NUDT3: variants seen among roughly 807,000 people sequenced by gnomAD.
NUDT3 encodes nudix hydrolase 3, also known as diphosphoinositol polyphosphate phosphohydrolase 1.
In NUDT3, 9 loss-of-function variants were observed where a neutral mutation model predicts 23.6. The observed-to-expected ratio is 0.38, with a 90% CI of 0.23 to 0.66. The LOEUF is 0.66. NUDT3 is among the 30% of genes least tolerant of loss of function. The pLI, the probability that NUDT3 is intolerant of heterozygous loss-of-function variation, is 0.52. For synonymous variants in NUDT3, 86 were observed against 82.6 expected, an observed-to-expected ratio of 1.04 and a Z score of -0.22; for missense variants, 172 against 218.5, an observed-to-expected ratio of 0.79 and a Z score of 1.34.
chr6:34,392,095 C>T (rs540747829), intron 1 of NUDT3, among the ~76,000 whole-genome samples, 169 bp downstream of exon 1: 1 of 152,168 alleles, frequency 6.6e-6, no homozygotes. Context: ...TCAGCCCCAA[C>T]GTCCTTTCTC....
At chr6:34,383,422 C>G (rs1765056157) in intron 1 of NUDT3, among the ~76,000 whole-genome samples, 1 of 152,150 alleles carries the variant, frequency 6.6e-6, no homozygotes, top group African/African-American at 2.4e-5. Context: ...CTCTCTCACT[C>G]TGTTGCCCAG....
intron 4 of NUDT3, among the ~76,000 whole-genome samples, chr6:34,293,223 G>A (rs769706531): frequency 3.3e-5 from 5 of 152,136 alleles, no homozygotes; most frequent in Non-Finnish European, 5.9e-5. Context: ...CCACCACGCC[G>A]AGCTAAGTCT....
chr6:34,380,806 G>A (rs1765003700), intron 1 of NUDT3, among the ~76,000 whole-genome samples: 1 of 152,100 alleles, frequency 6.6e-6, no homozygotes, highest in Non-Finnish European at 1.5e-5. Flanking sequence ...ATACAAACAG[G>A]CTTCCAAAGG....
rs138766896 is a variant in NUDT3, at chr6:34,322,721, T to C, written c.210+19141A>G. 4.4e-3 allele frequency among the ~76,000 whole-genome samples: 664 copies of C among 152,320 alleles called. 2 individuals are homozygous for C. The highest frequency in any genetic ancestry group is 0.015 in the African/African-American group (630 of 41,568). On this transcript the variant is annotated intron_variant, in intron 2 of 4. Coordinates refer to ENST00000607016, the MANE Select transcript of NUDT3 (RefSeq NM_006703.4). ...TGGGGACATTTGAATATAGAGTCAA[T>C]ACTGGATAATATCATGGAATTATTA...
At chr6:34,325,309 A>G (rs1290241769) in intron 2 of NUDT3, among the ~76,000 whole-genome samples, 2 of 152,322 alleles carry the variant, frequency 1.3e-5, no homozygotes, top group Middle Eastern at 3.4e-3. Context: ...CCTGGGCTTA[A>G]GCGATCCTCC....
chr6:34,372,621 A>G (rs1438922721), intron 1 of NUDT3, among the ~76,000 whole-genome samples: 1 of 152,000 alleles, frequency 6.6e-6, no homozygotes, highest in Non-Finnish European at 1.5e-5. Flanking sequence ...CCTAACCAAC[A>G]TGGAGAAATC....
intron 2 of NUDT3, among the ~76,000 whole-genome samples, chr6:34,313,205 A>C (rs932999955): frequency 2.0e-5 from 3 of 152,084 alleles, no homozygotes; most frequent in African/African-American, 7.2e-5. Flanking sequence ...TAAAATAAAG[A>C]CATGGAGGAA....
chr6:34,373,093 C>T (rs1764859303), intron 1 of NUDT3, among the ~76,000 whole-genome samples: 3 of 151,766 alleles, frequency 2.0e-5, no homozygotes, highest in South Asian at 4.1e-4. Flanking sequence ...TCCTGGCTAA[C>T]ATGGTGAAAC....
intron 2 of NUDT3, among the ~76,000 whole-genome samples, chr6:34,327,034 C>G (rs1484838591): frequency 6.6e-6 from 1 of 151,720 alleles, no homozygotes; most frequent in Non-Finnish European, 1.5e-5. Context: ...ACGCGGAGAC[C>G]GGTAGTGGCC....
At chr6:34,309,599 T>C (rs1350413272) in intron 2 of NUDT3, among the ~76,000 whole-genome samples, 1 of 152,002 alleles carries the variant, frequency 6.6e-6, no homozygotes, top group African/African-American at 2.4e-5. Context: ...AAACTGGTTA[T>C]TTAAAAGGTC....
In NUDT3 at chr6:34,283,677, C is replaced by A. The variant is rs1485609264; in HGVS notation, c.*5076G>T. The A allele has an allele frequency of 6.6e-6, 1 of 152,186 alleles. No homozygotes were observed. Among genetic ancestry groups the A allele is most frequent in the Admixed American group, 6.5e-5 (1 of 15,280 alleles). 9.4% of individuals were successfully genotyped at this position (152,186 alleles called of 1,614,324 possible). A position where few individuals can be genotyped will look rare whatever the true frequency, so the allele number is the denominator to read the frequency against. ...AAAAACATGGTCAAATGTGAAACCGCCCTTTTAGAGGCAGGGTTTGTGAAA... is the reference window on the plus strand; with the variant it reads ...AAAAACATGGTCAAATGTGAAACCGACCTTTTAGAGGCAGGGTTTGTGAAA... On this transcript the variant is annotated 3_prime_UTR_variant, in exon 5 of 5. Coordinates refer to ENST00000607016, the MANE Select transcript of NUDT3 (RefSeq NM_006703.4).
intron 1 of NUDT3, among the ~76,000 whole-genome samples, chr6:34,379,331 G>A (rs1764975037): frequency 6.6e-6 from 1 of 152,106 alleles, no homozygotes; most frequent in Non-Finnish European, 1.5e-5. Flanking sequence ...AGGCCAAGGT[G>A]GGCAGATCGC....
At chr6:34,341,048 C>T (rs1032469439) in intron 2 of NUDT3, among the ~76,000 whole-genome samples, 1 of 152,088 alleles carries the variant, frequency 6.6e-6, no homozygotes, top group African/African-American at 2.4e-5. Context: ...CCCTCTGGAA[C>T]AAGGAAATGG....
At chr6:34,338,585 A>G (rs1764244030) in intron 2 of NUDT3, among the ~76,000 whole-genome samples, 1 of 152,240 alleles carries the variant, frequency 6.6e-6, no homozygotes, top group South Asian at 2.1e-4. Flanking sequence ...CTGAACGGAC[A>G]AATAACATTC....
At chr6:34,343,142 C>T (rs1454599079) in intron 1 of NUDT3, among the ~76,000 whole-genome samples, 1 of 152,242 alleles carries the variant, frequency 6.6e-6, no homozygotes, top group Non-Finnish European at 1.5e-5. Context: ...CTTACAAGTA[C>T]TATTTTTCAA....
chr6:34,312,582 G>C (rs1661756859), intron 2 of NUDT3, among the ~76,000 whole-genome samples: 1 of 152,016 alleles, frequency 6.6e-6, no homozygotes, highest in African/African-American at 2.4e-5. Flanking sequence ...TGCACTCCTT[G>C]GTGTTTACCT....
rs536826447 is a variant in NUDT3 at position 34,381,871 on chromosome 6, G to A, written c.99+10393C>T. ...AGGCAGATCACGAGGTCAGGAGTTC[G>A]AGACCAGCCTGGCCAACATGGTGAA... is the stretch of plus-strand genomic sequence containing the variant. On this transcript the variant is annotated intron_variant, in intron 1 of 4. Coordinates refer to ENST00000607016, the MANE Select transcript of NUDT3 (RefSeq NM_006703.4). 1.6e-3 allele frequency among the ~76,000 whole-genome samples: 244 copies of A among 151,806 alleles called. 1 individual carries two copies. Among genetic ancestry groups the A allele is most frequent in the African/African-American group, 5.4e-3 (223 of 41,428 alleles).
At chr6:34,385,648 T>G (rs1354558823) in intron 1 of NUDT3, among the ~76,000 whole-genome samples, 1 of 152,026 alleles carries the variant, frequency 6.6e-6, no homozygotes, top group Non-Finnish European at 1.5e-5. Flanking sequence ...CTCTCCAGTC[T>G]TCTCAGTTTG....
At chr6:34,307,006 C>G (rs577437564) in intron 2 of NUDT3, among the ~76,000 whole-genome samples, 1 of 152,036 alleles carries the variant, frequency 6.6e-6, no homozygotes, top group Non-Finnish European at 1.5e-5. Flanking sequence ...GTGGCCTATG[C>G]GCAATTTGTG....
Sources: gnomAD v4.1 joint callset for allele counts (sites outside exome capture counted in the v4.1 genomes callset) on GRCh38, gnomAD v4.1.1 for gene constraint, MANE v1.5 for transcripts, NCBI Gene and HGNC (gene_info 2026-07-23, HGNC 2026-07-21) for gene names.